UNC13C: variants seen among roughly 807,000 people sequenced by gnomAD.
UNC13C encodes the protein protein unc-13 homolog C.
Under a neutral mutation model 245.4 loss-of-function variants are expected in UNC13C, and 174 were observed. The ratio of observed to expected loss-of-function variants is 0.71; its 90% CI spans 0.63 to 0.80. The LOEUF (loss-of-function observed/expected upper bound fraction) is 0.80, where lower values mean the gene tolerates loss of function less well. Among genes scored for constraint, UNC13C ranks in the 30% least tolerant of loss-of-function variants. The probability of loss-of-function intolerance (pLI) is 0.00; values close to 1 mark genes in which losing one functional copy is unlikely to be tolerated. For missense variants in UNC13C, 2,829 were observed against 2,602.9 expected (o/e 1.09, Z -1.89); for synonymous variants, 992 against 895.1 (o/e 1.11, Z -1.93).
chr15:54,315,294 C>T (rs535617626), intron 13 of UNC13C, among the ~76,000 whole-genome samples: 4 of 151,792 alleles, frequency 2.6e-5, no homozygotes, highest in African/African-American at 7.2e-5. Flanking sequence ...AAACTCCTGT[C>T]ACTCTATTAA....
intron 2 of UNC13C, among the ~76,000 whole-genome samples, chr15:54,080,625 C>A (rs1466456199): frequency 6.6e-6 from 1 of 151,972 alleles, no homozygotes; most frequent in Non-Finnish European, 1.5e-5. Context: ...TCATAGTAGT[C>A]TTTATGGATC....
At chr15:54,246,346 A>G (rs528284832) in intron 7 of UNC13C, among the ~76,000 whole-genome samples, 107 of 152,190 alleles carry the variant, frequency 7.0e-4, no homozygotes, top group African/African-American at 2.5e-3. Context: ...ACAGGTAAAC[A>G]AGATGTCTAT....
chr15:54,213,466 C>T (rs567761085), intron 4 of UNC13C, among the ~76,000 whole-genome samples: 1 of 151,984 alleles, frequency 6.6e-6, no homozygotes, highest in African/African-American at 2.4e-5. Context: ...AAATGTAGTG[C>T]AATGGTAGCA....
rs150754313 is a variant in UNC13C at position 54,131,356 on chromosome 15, G to A, written c.2984-11662G>A. 1.2e-4 allele frequency among the ~76,000 whole-genome samples: 18 copies of A among 152,276 alleles called. No homozygotes were observed. The East Asian group carries it at 2.9e-3, about 25-fold the overall frequency. On this transcript the variant is annotated intron_variant, in intron 2 of 32. Transcript: ENST00000260323. ...AAAATATTGTGTGATTCCACATTGC[G>A]ATTAGGATATAATTTATATTCCTTA...
intron 15 of UNC13C, 45 bp downstream of exon 15, chr15:54,332,156 T>C (rs2038454186): frequency 1.5e-6 from 2 of 1,356,240 alleles, no homozygotes; most frequent in Non-Finnish European, 2.0e-6. Flanking sequence ...TTGTTTGGTC[T>C]AGAGAATTTC....
In UNC13C at chr15:54,012,858, C is replaced by T. The variant is rs1895440109; in HGVS notation, c.-46C>T. ...GGATTTTCAGGTTTTCATCCTGATA[C>T]TTGTTTACTTTTCTGGGGCAGAAAA... On this transcript the variant is annotated 5_prime_UTR_variant, in exon 2 of 33. Transcript: ENST00000260323. 2 of 1,436,772 alleles carry T rather than the reference C, an allele frequency of 1.4e-6. No individual in the cohort carries two copies. The highest frequency in any genetic ancestry group is 1.4e-5 in the South Asian group (1 of 73,540). The allele number at this position is 1,436,772 out of a possible 1,614,324, so 89.0% of individuals were successfully genotyped here.
rs572699023 is a variant in UNC13C, at chr15:54,308,451, A to G, written c.4268+8078A>G. Among the ~76,000 whole-genome samples, 7 of 152,040 alleles carry G rather than the reference A, an allele frequency of 4.6e-5. 1 individual carries two copies. In the East Asian group the frequency reaches 1.4e-3, roughly 30 times the overall value. ...TTTTGAAGTATATATACATTGTAAA[A>G]TGACTAAATCTAGCTAATGAACATA... On this transcript the variant is annotated intron_variant, in intron 13 of 32. Transcript: ENST00000260323.
chr15:54,626,264 C>T (rs759194230), intron 32 of UNC13C, among the ~76,000 whole-genome samples: 18 of 151,162 alleles, frequency 1.2e-4, no homozygotes, highest in African/African-American at 3.9e-4. Context: ...AGGAAAGAAT[C>T]GGCATTGAAT....
intron 30 of UNC13C, among the ~76,000 whole-genome samples, chr15:54,612,448 C>A (rs982535263): frequency 1.3e-5 from 2 of 152,022 alleles, no homozygotes; most frequent in Admixed American, 1.3e-4. Flanking sequence ...TGTTACAAAA[C>A]ATTTTCCCAG....
intron 18 of UNC13C, among the ~76,000 whole-genome samples, chr15:54,395,733 G>C (rs1295523231): frequency 6.6e-6 from 1 of 151,696 alleles, no homozygotes; most frequent in Admixed American, 6.6e-5. Context: ...ATCATTGTAG[G>C]CTTTTGCTTA....
chr15:53,843,271 C>G, the UNC13C span, among the ~76,000 whole-genome samples: 417 of 152,144 alleles, frequency 2.7e-3, 3 homozygotes, highest in African/African-American at 9.8e-3. Context: ...AAAACCCTGT[C>G]TCTACCAAGA....
intron 8 of UNC13C, among the ~76,000 whole-genome samples, chr15:54,251,650 A>G (rs1450815369): frequency 2.6e-5 from 4 of 152,244 alleles, no homozygotes; most frequent in African/African-American, 9.6e-5. Context: ...TCACTTAAAA[A>G]TTGCCAAAAA....
At chr15:53,887,557 A>G in the UNC13C span, among the ~76,000 whole-genome samples, 1 of 151,978 alleles carries the variant, frequency 6.6e-6, no homozygotes, top group East Asian at 1.9e-4. Context: ...CCCTTTCTTC[A>G]TGTTGCATGG....
intron 4 of UNC13C, among the ~76,000 whole-genome samples, chr15:54,215,522 A>G (rs1273677423): frequency 6.6e-6 from 1 of 152,020 alleles, no homozygotes; most frequent in Non-Finnish European, 1.5e-5. Flanking sequence ...AAGGTTTGAA[A>G]GAAAGCCTGC....
At chr15:54,011,710 T>C (rs1465182581) in intron 1 of UNC13C, among the ~76,000 whole-genome samples, 1 of 152,170 alleles carries the variant, frequency 6.6e-6, no homozygotes, top group Non-Finnish European at 1.5e-5. Flanking sequence ...GACTTGGACT[T>C]CTTTAGAGTT....
chr15:53,897,174 G>C, the UNC13C span, among the ~76,000 whole-genome samples: 1 of 152,126 alleles, frequency 6.6e-6, no homozygotes, highest in African/African-American at 2.4e-5. Context: ...TGAGGTCAAG[G>C]ACTTGGTCTT....
intron 16 of UNC13C, among the ~76,000 whole-genome samples, chr15:54,335,282 C>G (rs1186678111): frequency 6.6e-6 from 1 of 152,130 alleles, no homozygotes; most frequent in African/African-American, 2.4e-5. Context: ...TCACTTTCTT[C>G]TATAGCTACT....
chr15:54,325,912 T>G (rs2038288041), intron 14 of UNC13C, among the ~76,000 whole-genome samples: 1 of 151,900 alleles, frequency 6.6e-6, no homozygotes, highest in Non-Finnish European at 1.5e-5. Context: ...TTTAAACTAT[T>G]TAATAAGGTA....
chr15:54,015,778 C>T lies in UNC13C; in HGVS notation c.2875C>T (p.Pro959Ser), dbSNP rs764931691. The T allele has an allele frequency of 6.2e-7, 1 of 1,612,222 alleles. No individual in the cohort carries two copies. Among genetic ancestry groups the T allele is most frequent in the African/African-American group, 1.3e-5 (1 of 74,888 alleles). Residue 959 changes from proline (P) to serine (S), a missense_variant, in exon 2 of 33, where the codon CCA becomes TCA. Transcript: ENST00000260323. ...EDENQNIPEQ[P>S]VEITKPKRIR... ...TGAAAACCAAAACATTCCTGAACAG[C>T]CAGTGGAGATCACAAAGCCAAAGAG... is the stretch of plus-strand genomic sequence containing the variant.
Sources: allele counts gnomAD v4.1 joint callset (sites outside exome capture counted in the v4.1 genomes callset), GRCh38; gene constraint gnomAD v4.1.1; transcripts MANE v1.5; gene names NCBI Gene and HGNC (gene_info 2026-07-23, HGNC 2026-07-21).